Variants in GSK3B observed in about 807,000 individuals in gnomAD.
GSK3B encodes the protein glycogen synthase kinase-3 beta.
Under a neutral mutation model 56.4 loss-of-function variants are expected in GSK3B, and 15 were observed. The observed-to-expected ratio is 0.27, with a 90% CI of 0.18 to 0.41. The LOEUF (loss-of-function observed/expected upper bound fraction) is 0.41. GSK3B is among the 10% of genes least tolerant of loss of function. The pLI is 1.00. For synonymous variants in GSK3B, 181 were observed against 188.9 expected, an observed-to-expected ratio of 0.96 and a Z score of 0.34; for missense variants, 300 against 513.4, an observed-to-expected ratio of 0.58 and a Z score of 4.02.
chr3:120,061,818 G>A (rs371584516), intron 1 of GSK3B, among the ~76,000 whole-genome samples: 1 of 152,062 alleles, frequency 6.6e-6, no homozygotes, highest in African/African-American at 2.4e-5. Context: ...CCGCAACCTC[G>A]GGGTCCTGAG....
intron 3 of GSK3B, among the ~76,000 whole-genome samples, chr3:119,946,104 T>C (rs1188446843): frequency 6.7e-6 from 1 of 148,442 alleles, no homozygotes; most frequent in African/African-American, 2.5e-5. Flanking sequence ...AAAAAGCAAC[T>C]GAAAAGCAAG....
In GSK3B at chr3:119,947,358, A is replaced by G. The variant is rs2057110604; in HGVS notation, c.283-7T>C. On this transcript the variant is annotated splice_polypyrimidine_tract_variant and splice_region_variant and intron_variant, in intron 2 of 10. Transcript: ENST00000264235. ...TGATCTGGAGCTCTCGATTCTGAAA[A>G]GGAAACACATAAAAATATATTTTTA... is the stretch of plus-strand genomic sequence containing the variant. 1 of 1,519,434 alleles carries G rather than the reference A, an allele frequency of 6.6e-7. No individual in the cohort carries two copies. Among genetic ancestry groups the G allele is most frequent in the East Asian group, 2.3e-5 (1 of 44,404 alleles). 94.1% of individuals were successfully genotyped at this position (1,519,434 alleles called of 1,614,324 possible).
At chr3:119,937,070 T>G (rs138806145) in intron 3 of GSK3B, among the ~76,000 whole-genome samples, 2 of 152,128 alleles carry the variant, frequency 1.3e-5, no homozygotes, top group Non-Finnish European at 2.9e-5. Context: ...AAACTAAAAA[T>G]TAGTAATGAA....
intron 2 of GSK3B, among the ~76,000 whole-genome samples, chr3:119,953,742 A>G (rs1051301024): frequency 6.6e-6 from 1 of 152,112 alleles, no homozygotes; most frequent in African/African-American, 2.4e-5. Context: ...TATTACATTT[A>G]CCATCACATT....
At chr3:119,828,599 T>C (rs189136434) in intron 10 of GSK3B, among the ~76,000 whole-genome samples, 1 of 152,220 alleles carries the variant, frequency 6.6e-6, no homozygotes, top group African/African-American at 2.4e-5. Flanking sequence ...AATGTCATGG[T>C]TGAATGCAAC....
chr3:119,974,210 A>T (rs1304751914), intron 2 of GSK3B, among the ~76,000 whole-genome samples: 1 of 152,206 alleles, frequency 6.6e-6, no homozygotes, highest in Non-Finnish European at 1.5e-5. Context: ...CTGATAAATG[A>T]CTGTTACCCA....
chr3:119,822,465 A>C lies in GSK3B; in HGVS notation c.*4323T>G, dbSNP rs1398651607. ...AAAAACTTAAAAATTAACACAAGGAAGTCTACTTTGTCAAGCTAACCCCTT... is the reference window on the plus strand; with the variant it reads ...AAAAACTTAAAAATTAACACAAGGACGTCTACTTTGTCAAGCTAACCCCTT... On this transcript the variant is annotated 3_prime_UTR_variant, in exon 11 of 11. Coordinates refer to ENST00000264235, the MANE Select transcript of GSK3B (RefSeq NM_001146156.2). The C allele has an allele frequency of 2.2e-5, 5 of 223,368 alleles. No individual in the cohort carries two copies. The highest frequency in any genetic ancestry group is 1.1e-4 in the African/African-American group (5 of 44,762). The allele number at this position is 223,368 out of a possible 1,614,324, so 13.8% of individuals were successfully genotyped here.
At chr3:119,851,136 T>C (rs1470738711) in intron 9 of GSK3B, among the ~76,000 whole-genome samples, 1 of 152,210 alleles carries the variant, frequency 6.6e-6, no homozygotes, top group Non-Finnish European at 1.5e-5. Context: ...ATGTGTTCCA[T>C]AATTAAACAT....
intron 4 of GSK3B, 36 bp downstream of exon 4, chr3:119,923,337 T>C (rs986451640): frequency 1.8e-6 from 2 of 1,108,834 alleles, no homozygotes; most frequent in Non-Finnish European, 2.7e-6. Flanking sequence ...ATAAAAAATG[T>C]TTTCTAAAAT....
At chr3:119,928,103 T>A (rs2056905874) in intron 3 of GSK3B, among the ~76,000 whole-genome samples, 1 of 152,182 alleles carries the variant, frequency 6.6e-6, no homozygotes, top group Non-Finnish European at 1.5e-5. Flanking sequence ...AGTGAGCAGG[T>A]GGCAGATGAG....
At chr3:119,908,084 A>G (rs550402895) in intron 6 of GSK3B, among the ~76,000 whole-genome samples, 3 of 152,336 alleles carry the variant, frequency 2.0e-5, no homozygotes, top group East Asian at 1.9e-4. Context: ...AAATGTAACA[A>G]TATTAGTATA....
intron 3 of GSK3B, among the ~76,000 whole-genome samples, chr3:119,943,422 GA>G (rs1284806780): frequency 6.6e-6 from 1 of 151,964 alleles, no homozygotes; most frequent in African/African-American, 2.4e-5. Flanking sequence ...TGAGGCAAGA[GA>G]AAAAAATCTT....
At chr3:120,091,422 C>G (rs981824957) in intron 1 of GSK3B, among the ~76,000 whole-genome samples, 1 of 152,124 alleles carries the variant, frequency 6.6e-6, no homozygotes, top group Non-Finnish European at 1.5e-5. Flanking sequence ...ATATATTTTA[C>G]AAGAGTTACT....
At chr3:119,912,503 T>A (rs1286272007) in intron 6 of GSK3B, among the ~76,000 whole-genome samples, 26 of 141,260 alleles carry the variant, frequency 1.8e-4, no homozygotes, top group African/African-American at 6.8e-4. Flanking sequence ...TTTGAGAGGT[T>A]AAAAAAAAAA....
At chr3:119,840,222 GA>G (rs1271860246) in intron 10 of GSK3B, among the ~76,000 whole-genome samples, 3 of 70,212 alleles carry the variant, frequency 4.3e-5, no homozygotes, top group Non-Finnish European at 8.6e-5. Flanking sequence ...CTGATGCCGA[GA>G]ATTTTTTTTT....
At chr3:119,973,885 T>C (rs1416270948) in intron 2 of GSK3B, among the ~76,000 whole-genome samples, 1 of 152,118 alleles carries the variant, frequency 6.6e-6, no homozygotes, top group African/African-American at 2.4e-5. Context: ...ATAACTGTAG[T>C]GCTGGAAAAA....
chr3:120,082,320 C>CAAT (rs925676865), intron 1 of GSK3B, among the ~76,000 whole-genome samples: 2 of 147,766 alleles, frequency 1.4e-5, no homozygotes, highest in Non-Finnish European at 3.0e-5. Context: ...CTGTCCAATA[C>CAAT]AATAACCACT....
intron 1 of GSK3B, among the ~76,000 whole-genome samples, chr3:120,022,567 G>C (rs1172507540): frequency 1.3e-5 from 2 of 152,108 alleles, no homozygotes; most frequent in African/African-American, 4.8e-5. Flanking sequence ...CCACAAAAGA[G>C]AGAGAGAGAG....
intron 1 of GSK3B, among the ~76,000 whole-genome samples, chr3:120,069,605 C>T (rs1164438437): frequency 6.6e-6 from 1 of 151,384 alleles, no homozygotes; most frequent in Non-Finnish European, 1.5e-5. Flanking sequence ...AACTCAATAC[C>T]TAACGGTCAA....
Sources: gnomAD v4.1 joint callset for allele counts (sites outside exome capture counted in the v4.1 genomes callset) on GRCh38, gnomAD v4.1.1 for gene constraint, MANE v1.5 for transcripts, NCBI Gene and HGNC (gene_info 2026-07-23, HGNC 2026-07-21) for gene names.